Variants in CPNE4 observed in about 807,000 individuals in gnomAD.
CPNE4 encodes copine-4.
CPNE4 carries 25 observed loss-of-function variants against 67.9 expected under a neutral mutation model. That is an observed-to-expected ratio of 0.37 (90% CI 0.27 to 0.51). The LOEUF is 0.51. CPNE4 is among the 20% of genes least tolerant of loss of function. CPNE4 has a pLI of 0.93. For synonymous variants in CPNE4, 242 were observed against 244.9 expected (o/e 0.99, Z 0.11); for missense variants, 464 against 690.8 (o/e 0.67, Z 3.68).
intron 2 of CPNE4, among the ~76,000 whole-genome samples, chr3:131,727,665 T>C (rs2082032218): frequency 1.3e-5 from 2 of 152,318 alleles, no homozygotes; most frequent in South Asian, 2.1e-4. Context: ...TTGACACATA[T>C]ATACTTGTGA....
intron 3 of CPNE4, among the ~76,000 whole-genome samples, chr3:131,708,993 T>TATATATATATATATAC (rs1440194300): frequency 1.1e-4 from 12 of 104,920 alleles, no homozygotes; most frequent in African/African-American, 3.7e-4. Context: ...TATATATATA[T>TATATATATATATATAC]ATACATACAC....
intron 2 of CPNE4, among the ~76,000 whole-genome samples, chr3:131,889,508 C>G (rs1012525536): frequency 1.3e-4 from 20 of 152,176 alleles, no homozygotes; most frequent in African/African-American, 4.8e-4. Flanking sequence ...GAATGAAAGC[C>G]TGGTGGATCA....
intron 1 of CPNE4, among the ~76,000 whole-genome samples, chr3:131,921,305 T>C (rs1487431399): frequency 3.3e-5 from 5 of 152,178 alleles, no homozygotes; most frequent in Admixed American, 6.5e-5. Context: ...ACAGTCCAAG[T>C]AGCAAATAAG....
intron 7 of CPNE4, among the ~76,000 whole-genome samples, chr3:131,645,241 A>G (rs2107614632): frequency 6.6e-6 from 1 of 152,196 alleles, no homozygotes; most frequent in East Asian, 1.9e-4. Context: ...ATTTTTGAAG[A>G]CCTCATTATA....
chr3:131,917,737 G>T (rs926176014), intron 1 of CPNE4, among the ~76,000 whole-genome samples: 3 of 152,102 alleles, frequency 2.0e-5, no homozygotes, highest in African/African-American at 4.8e-5. Context: ...AACTTCAGAG[G>T]GCCTCTTGCT....
chr3:131,552,498 ACC>A lies in CPNE4; in HGVS notation c.1117-9_1117-8del, dbSNP rs1204568212. The A allele has an allele frequency of 6.2e-7, 1 of 1,610,796 alleles. No homozygotes were observed. The highest frequency in any genetic ancestry group is 8.5e-7 in the Non-Finnish European group (1 of 1,177,594). Reference sequence around the variant, plus strand: ...TTGCAAAGTCATGAGAGACCTAGACACCGATTAAAATTTAAAAAACAGGAAGA... The same window carrying A: ...TTGCAAAGTCATGAGAGACCTAGACAGATTAAAATTTAAAAAACAGGAAGA... On this transcript the variant is annotated splice_region_variant and splice_polypyrimidine_tract_variant and intron_variant, in intron 12 of 15. Coordinates refer to ENST00000429747, the MANE Select transcript of CPNE4 (RefSeq NM_130808.3).
At chr3:131,563,457 A>G (rs1026779215) in intron 11 of CPNE4, among the ~76,000 whole-genome samples, 2 of 152,096 alleles carry the variant, frequency 1.3e-5, no homozygotes, top group African/African-American at 4.8e-5. Flanking sequence ...AACGTAATTT[A>G]TGCAAGATAC....
intron 2 of CPNE4, among the ~76,000 whole-genome samples, chr3:131,826,942 T>C (rs1306749807): frequency 6.6e-6 from 1 of 152,032 alleles, no homozygotes; most frequent in Non-Finnish European, 1.5e-5. Context: ...GAGCCTGAGG[T>C]GAGAGGATCA....
At chr3:131,996,548 ACAC>A (rs2073298916) in intron 1 of CPNE4, among the ~76,000 whole-genome samples, 1 of 151,994 alleles carries the variant, frequency 6.6e-6, no homozygotes, top group African/African-American at 2.4e-5. Context: ...GAAAATCCTC[ACAC>A]CACCAAGCCT....
chr3:131,650,031 G>A (rs1005434268), intron 7 of CPNE4, among the ~76,000 whole-genome samples: 8 of 152,076 alleles, frequency 5.3e-5, no homozygotes, highest in South Asian at 2.1e-4. Flanking sequence ...TACTATTCAC[G>A]GTGGCTTGTT....
At chr3:131,772,845 C>CT (rs1222845461) in intron 2 of CPNE4, among the ~76,000 whole-genome samples, 2 of 152,116 alleles carry the variant, frequency 1.3e-5, no homozygotes, top group African/African-American at 4.8e-5. Flanking sequence ...CCAGTGAGCC[C>CT]TGTTTACTGA....
At chr3:131,979,343 T>G (rs569596649) in intron 1 of CPNE4, among the ~76,000 whole-genome samples, 11 of 152,296 alleles carry the variant, frequency 7.2e-5, no homozygotes, top group African/African-American at 2.6e-4. Flanking sequence ...CTATTAGTAA[T>G]TGTTTTCTAA....
At chr3:131,614,555 A>G (rs1212020806) in intron 7 of CPNE4, among the ~76,000 whole-genome samples, 3 of 152,262 alleles carry the variant, frequency 2.0e-5, no homozygotes, top group African/African-American at 7.2e-5. Flanking sequence ...GAGAGACAAT[A>G]TAGACCATTT....
chr3:131,927,503 T>G (rs2070929623), intron 1 of CPNE4, among the ~76,000 whole-genome samples: 1 of 152,086 alleles, frequency 6.6e-6, no homozygotes, highest in South Asian at 2.1e-4. Context: ...CATTGCAGAG[T>G]TATTTATCTG....
At chr3:131,998,151 A>G (rs1325935908) in intron 1 of CPNE4, among the ~76,000 whole-genome samples, 1 of 152,200 alleles carries the variant, frequency 6.6e-6, no homozygotes, top group Admixed American at 6.6e-5. Flanking sequence ...CCTCTCTACC[A>G]CACCAGGAAT....
intron 1 of CPNE4, among the ~76,000 whole-genome samples, chr3:131,926,581 T>C (rs2070901958): frequency 1.3e-5 from 2 of 152,116 alleles, no homozygotes; most frequent in African/African-American, 4.8e-5. Context: ...AAAACTTATA[T>C]CCCTGAGTCA....
intron 2 of CPNE4, among the ~76,000 whole-genome samples, chr3:131,802,931 T>C (rs1190928842): frequency 1.3e-5 from 2 of 152,186 alleles, no homozygotes; most frequent in East Asian, 1.9e-4. Flanking sequence ...AAATTGGCAC[T>C]TTAATGCCTT....
Position 132,029,732 on chromosome 3 carries a change from CTAAG to C in CPNE4, c.-2+4831_-2+4834del, listed in dbSNP as rs573431844. ...TCCAAGGAGAAATTTCTCTAGTTTCCTAAGTAATAAGAAAAACAAAGTTAGAAAT... is the reference window on the plus strand; with the variant it reads ...TCCAAGGAGAAATTTCTCTAGTTTCCTAATAAGAAAAACAAAGTTAGAAAT... On this transcript the variant is annotated intron_variant, in intron 1 of 15. Coordinates refer to ENST00000429747, the MANE Select transcript of CPNE4 (RefSeq NM_130808.3). 1.6e-3 allele frequency among the ~76,000 whole-genome samples: 249 copies of C among 152,256 alleles called. 2 individuals are homozygous for C. Among genetic ancestry groups the C allele is most frequent in the Non-Finnish European group, 1.0e-3 (68 of 68,004 alleles).
chr3:131,799,684 C>T (rs904732496), intron 2 of CPNE4, among the ~76,000 whole-genome samples: 3 of 152,092 alleles, frequency 2.0e-5, no homozygotes, highest in Non-Finnish European at 2.9e-5. Flanking sequence ...TAAATAGAAG[C>T]CTGGATCCCC....
Sources: gnomAD v4.1 joint callset for allele counts (sites outside exome capture counted in the v4.1 genomes callset) on GRCh38, gnomAD v4.1.1 for gene constraint, MANE v1.5 for transcripts, NCBI Gene and HGNC (gene_info 2026-07-23, HGNC 2026-07-21) for gene names.